Variants in GPHN observed in about 807,000 individuals in gnomAD.
The protein encoded by GPHN is gephyrin.
GPHN carries 17 observed loss-of-function variants against 95.5 expected under a neutral mutation model. That is an observed-to-expected ratio of 0.18 (90% CI 0.12 to 0.27). GPHN has a LOEUF of 0.27. Among genes scored for constraint, GPHN ranks in the 10% least tolerant of loss-of-function variants. The pLI, the probability that GPHN is intolerant of heterozygous loss-of-function variation, is 1.00. For missense variants in GPHN, 660 were observed against 978.1 expected (o/e 0.67, Z 4.34); for synonymous variants, 320 against 322.5 (o/e 0.99, Z 0.08).
rs529862266 is a variant in GPHN, at chr14:66,934,622, C to A, written c.828+10330C>A. On this transcript the variant is annotated intron_variant, in intron 8 of 22. Coordinates refer to ENST00000478722, the MANE Select transcript of GPHN (RefSeq NM_020806.5). ...ACTGGGGGACACAGATTCTCTGTTT[C>A]CTGCTGAACATGAATGAGGAAATAT... Among the ~76,000 whole-genome samples, 5 of 152,260 alleles carry A rather than the reference C, an allele frequency of 3.3e-5. No homozygotes were observed. In the South Asian group the frequency reaches 1.0e-3, roughly 32 times the overall value.
the GPHN span, among the ~76,000 whole-genome samples, chr14:67,225,926 A>AGAGTGTGTGTGTGT: frequency 3.7e-5 from 5 of 136,630 alleles, no homozygotes; most frequent in Admixed American, 1.5e-4. Flanking sequence ...TAATGCTGTG[A>AGAGTGTGTGTGTGT]GTGTGTGTGT....
At chr14:66,540,092 C>A (rs1337530517) in intron 1 of GPHN, among the ~76,000 whole-genome samples, 1 of 152,238 alleles carries the variant, frequency 6.6e-6, no homozygotes, top group Non-Finnish European at 1.5e-5. Flanking sequence ...CAGCTCACAA[C>A]AACAATTGCT....
At chr14:67,329,315 G>T in the GPHN span, among the ~76,000 whole-genome samples, 13 of 152,278 alleles carry the variant, frequency 8.5e-5, no homozygotes, top group African/African-American at 3.1e-4. Context: ...TGTGATTTCT[G>T]CACATTGATT....
intron 8 of GPHN, among the ~76,000 whole-genome samples, chr14:66,963,067 C>T (rs1309397996): frequency 6.6e-6 from 1 of 151,870 alleles, no homozygotes; most frequent in Non-Finnish European, 1.5e-5. Flanking sequence ...TGTCAGCCAT[C>T]GTCTTTTGTT....
the GPHN span, among the ~76,000 whole-genome samples, chr14:67,536,186 C>T: frequency 3.3e-5 from 5 of 152,032 alleles, no homozygotes; most frequent in Middle Eastern, 3.4e-3. Context: ...TCTGTCTCCC[C>T]GGACATTGTG....
At chr14:67,582,020 C>G in the GPHN span, 1 of 1,571,092 alleles carries the variant, frequency 6.4e-7, no homozygotes, top group South Asian at 1.2e-5. This position sits in a 1 kb window ranked among gnomAD's most constrained non-coding sequence, Gnocchi z 5.0. Context: ...AGCCCCATCC[C>G]TGTTTGGAAT....
chr14:67,665,367 G>C, the GPHN span, among the ~76,000 whole-genome samples: 767 of 148,426 alleles, frequency 5.2e-3, 2 homozygotes, highest in Non-Finnish European at 9.0e-3. Flanking sequence ...CCTCCCACCT[G>C]CTCAAGCAAT....
At chr14:67,368,136 C>A in the GPHN span, among the ~76,000 whole-genome samples, 1 of 152,106 alleles carries the variant, frequency 6.6e-6, no homozygotes, top group Non-Finnish European at 1.5e-5. Context: ...TCAGGAGTCA[C>A]AAGGAACTAG....
At chr14:66,976,684 A>T (rs1312312041) in intron 9 of GPHN, among the ~76,000 whole-genome samples, 3 of 152,166 alleles carry the variant, frequency 2.0e-5, no homozygotes, top group Non-Finnish European at 4.4e-5. Context: ...ATTATATGTC[A>T]AATACTGTAT....
intron 2 of GPHN, among the ~76,000 whole-genome samples, chr14:66,768,412 A>G (rs1212698747): frequency 6.6e-6 from 1 of 152,020 alleles, no homozygotes; most frequent in Non-Finnish European, 1.5e-5. Flanking sequence ...ATTCTATTTC[A>G]TACCTGCTTT....
At chr14:67,697,854 C>T in the GPHN span, among the ~76,000 whole-genome samples, 4 of 152,216 alleles carry the variant, frequency 2.6e-5, no homozygotes, top group Non-Finnish European at 5.9e-5. Context: ...GTAAGCTCCA[C>T]ACTCAGAGTT....
At chr14:67,673,914 C>T in the GPHN span, among the ~76,000 whole-genome samples, 7 of 152,312 alleles carry the variant, frequency 4.6e-5, no homozygotes, top group African/African-American at 1.4e-4. Context: ...GCTCTCTACC[C>T]TCCAATAACT....
At chr14:66,736,391 CTTTTTTTTTTCT>C (rs891614587) in intron 2 of GPHN, among the ~76,000 whole-genome samples, 6 of 133,118 alleles carry the variant, frequency 4.5e-5, no homozygotes, top group African/African-American at 1.4e-4. Context: ...TGTTTTCTTT[CTTTTTTTTTTCT>C]TTTTTTTTTT....
the GPHN span, chr14:67,659,596 A>G: frequency 1.1e-6 from 1 of 886,806 alleles, no homozygotes; most frequent in African/African-American, 1.7e-5. Context: ...GATGCAGAAA[A>G]GAGGATAAGG....
At chr14:67,256,988 A>G in the GPHN span, among the ~76,000 whole-genome samples, 1 of 152,208 alleles carries the variant, frequency 6.6e-6, no homozygotes, top group South Asian at 2.1e-4. Flanking sequence ...TCCTGACGAC[A>G]GGTGCCCAAG....
chr14:67,200,820 A>G, the GPHN span, among the ~76,000 whole-genome samples: 21 of 152,112 alleles, frequency 1.4e-4, no homozygotes, highest in African/African-American at 4.8e-4. Context: ...CCTTTTGCAC[A>G]CTCTAATAAA....
At chr14:66,729,306 C>T (rs1287896156) in intron 2 of GPHN, among the ~76,000 whole-genome samples, 3 of 152,008 alleles carry the variant, frequency 2.0e-5, no homozygotes, top group Non-Finnish European at 2.9e-5. Context: ...ATTCCAAAAT[C>T]CAAAAAAAGT....
the GPHN span, among the ~76,000 whole-genome samples, chr14:67,511,079 G>A: frequency 6.6e-6 from 1 of 152,168 alleles, no homozygotes; most frequent in African/African-American, 2.4e-5. Flanking sequence ...CTCAGGGTGA[G>A]TGACCTTTCC....
chr14:67,353,979 G>GGCATGTTC, the GPHN span: 1 of 147,068 alleles, frequency 6.8e-6, no homozygotes. Flanking sequence ...AAAAAAAAAA[G>GGCATGTTC]GCATGTTCGA....
Sources: gnomAD v4.1 joint callset for allele counts (sites outside exome capture counted in the v4.1 genomes callset) on GRCh38, gnomAD v4.1.1 for gene constraint, Gnocchi (gnomAD v3.1) non-coding constraint, MANE v1.5 for transcripts, NCBI Gene and HGNC (gene_info 2026-07-23, HGNC 2026-07-21) for gene names.